Variants in OTUD7A observed in about 807,000 individuals in gnomAD.
The protein encoded by OTUD7A is OTU deubiquitinase 7A.
OTUD7A carries 12 observed loss-of-function variants against 65.7 expected under a neutral mutation model. The observed-to-expected ratio is 0.18, with a 90% CI of 0.12 to 0.30. The LOEUF is 0.30. Among genes scored for constraint, OTUD7A ranks in the 10% least tolerant of loss-of-function variants. The pLI is 1.00. For missense variants in OTUD7A, 1,148 were observed against 1,304.8 expected, an observed-to-expected ratio of 0.88 and a Z score of 1.85; for synonymous variants, 641 against 586.3, an observed-to-expected ratio of 1.09 and a Z score of -1.35.
chr15:31,845,737 C>T (rs939696983), intron 1 of OTUD7A, among the ~76,000 whole-genome samples: 6 of 152,244 alleles, frequency 3.9e-5, no homozygotes, highest in Non-Finnish European at 7.3e-5. Context: ...CTCTGGCAGA[C>T]GTGCCAGGAC....
At chr15:31,502,183 C>T (rs1202628815) in intron 9 of OTUD7A, among the ~76,000 whole-genome samples, 1 of 152,202 alleles carries the variant, frequency 6.6e-6, no homozygotes, top group African/African-American at 2.4e-5. Context: ...TTGTATACAA[C>T]AGAGTATGTG....
chr15:31,580,124 A>G (rs1889328008), intron 3 of OTUD7A, among the ~76,000 whole-genome samples: 1 of 152,196 alleles, frequency 6.6e-6, no homozygotes, highest in Non-Finnish European at 1.5e-5. Flanking sequence ...GAGCAGGGAG[A>G]GGGGTGTTAC....
chr15:31,507,586 G>T (rs1035480685), intron 8 of OTUD7A, among the ~76,000 whole-genome samples: 2 of 152,106 alleles, frequency 1.3e-5, no homozygotes, highest in Non-Finnish European at 2.9e-5. Flanking sequence ...AAGAACAAAG[G>T]TTCTAAACCA....
intron 3 of OTUD7A, among the ~76,000 whole-genome samples, chr15:31,629,366 A>T (rs1039409648): frequency 5.9e-5 from 9 of 152,092 alleles, no homozygotes; most frequent in South Asian, 2.1e-4. Flanking sequence ...GGTTTTTGTC[A>T]TTGGTTCTGT....
chr15:31,510,408 G>A (rs79587914), intron 8 of OTUD7A, among the ~76,000 whole-genome samples: 2,060 of 150,446 alleles, frequency 0.014, 58 homozygotes, highest in African/African-American at 0.048. Context: ...CTAGAGGAGC[G>A]ACTGGCAGGA....
intron 1 of OTUD7A, among the ~76,000 whole-genome samples, chr15:31,678,328 G>A (rs979881731): frequency 6.6e-6 from 1 of 152,220 alleles, no homozygotes; most frequent in African/African-American, 2.4e-5. Context: ...CCAATTTTTT[G>A]AGGAGTAATT....
chr15:31,725,474 G>A lies in OTUD7A; in HGVS notation c.-99-68397C>T, dbSNP rs372521821. Among the ~76,000 whole-genome samples the A allele has an allele frequency of 7.2e-5, 11 of 152,290 alleles. No individual in the cohort carries two copies. In the East Asian group the frequency reaches 1.7e-3, roughly 24 times the overall value. On this transcript the variant is annotated intron_variant, in intron 1 of 12. Coordinates refer to ENST00000307050, the MANE Select transcript of OTUD7A (RefSeq NM_001382637.1). ...TTTCAAAGAGACCACTGGGCATCAC[G>A]CAGAAGCCCGTGACTTTGAGGCTGA...
intron 1 of OTUD7A, among the ~76,000 whole-genome samples, chr15:31,683,888 C>A (rs998854509): frequency 6.6e-6 from 1 of 152,064 alleles, no homozygotes; most frequent in African/African-American, 2.4e-5. Flanking sequence ...TTTATAGGAT[C>A]AGCTGTTTGA....
At chr15:31,795,586 C>T (rs955489996) in intron 1 of OTUD7A, among the ~76,000 whole-genome samples, 19 of 152,090 alleles carry the variant, frequency 1.2e-4, no homozygotes, top group African/African-American at 3.9e-4. Context: ...AGGGCAGATG[C>T]CATGGAGTAA....
At chr15:31,697,824 T>C (rs1893119412) in intron 1 of OTUD7A, among the ~76,000 whole-genome samples, 3 of 152,228 alleles carry the variant, frequency 2.0e-5, no homozygotes, top group African/African-American at 4.8e-5. Flanking sequence ...CAATGCGCTG[T>C]GTTAGCATTG....
At chr15:31,783,645 A>G (rs1366744757) in intron 1 of OTUD7A, among the ~76,000 whole-genome samples, 4 of 152,204 alleles carry the variant, frequency 2.6e-5, no homozygotes, top group Admixed American at 2.0e-4. Flanking sequence ...TATTCTAAGT[A>G]TCTCTGCTGT....
At position 31,632,157 on chromosome 15, in the gene OTUD7A, G is replaced by A. The variant is rs527308027; in HGVS notation, c.151+22939C>T. Among the ~76,000 whole-genome samples, 6 of 152,318 alleles carry A rather than the reference G, an allele frequency of 3.9e-5. No individual in the cohort carries two copies. The East Asian group carries it at 1.2e-3, about 29-fold the overall frequency. ...GAAGGTGCGTTCCTTTGGAGGAGGAGAGGTGCTCTGCTTTTTAGTGTTTCC... is the reference window on the plus strand; with the variant it reads ...GAAGGTGCGTTCCTTTGGAGGAGGAAAGGTGCTCTGCTTTTTAGTGTTTCC... On this transcript the variant is annotated intron_variant, in intron 3 of 12. Coordinates refer to ENST00000307050, the MANE Select transcript of OTUD7A (RefSeq NM_001382637.1).
chr15:31,867,864 CT>C (rs1897919308), intron 1 of OTUD7A, among the ~76,000 whole-genome samples: 2 of 150,030 alleles, frequency 1.3e-5, no homozygotes, highest in Admixed American at 6.7e-5. Flanking sequence ...CCAACCCTTC[CT>C]TAAGTTTCCA....
intron 1 of OTUD7A, among the ~76,000 whole-genome samples, chr15:31,756,594 G>A (rs951849222): frequency 2.0e-5 from 3 of 149,874 alleles, no homozygotes; most frequent in African/African-American, 7.4e-5. Context: ...GGTCCTTTCT[G>A]AGGACAGGAA....
At chr15:31,703,073 A>G (rs1176897555) in intron 1 of OTUD7A, among the ~76,000 whole-genome samples, 2 of 152,082 alleles carry the variant, frequency 1.3e-5, no homozygotes, top group African/African-American at 4.8e-5. Context: ...GACTTGACCT[A>G]AGTCTCATAC....
At chr15:31,492,173 G>A (rs924347854) in intron 10 of OTUD7A, among the ~76,000 whole-genome samples, 3 of 152,318 alleles carry the variant, frequency 2.0e-5, no homozygotes, top group Non-Finnish European at 4.4e-5. Context: ...TATAACAGAT[G>A]TAAAAATAAA....
intron 1 of OTUD7A, among the ~76,000 whole-genome samples, chr15:31,765,382 A>G (rs999904442): frequency 6.6e-6 from 1 of 152,140 alleles, no homozygotes; most frequent in African/African-American, 2.4e-5. Flanking sequence ...CTAATTCATT[A>G]GCTAATATCT....
At position 31,535,674 on chromosome 15, in the gene OTUD7A, G is replaced by GTTTTTT. The variant is rs55826357; in HGVS notation, c.551-4872_551-4867dup. 1.1e-3 allele frequency among the ~76,000 whole-genome samples: 128 copies of GTTTTTT among 111,972 alleles called. 1 individual carries two copies. The highest frequency in any genetic ancestry group is 3.4e-3 in the East Asian group (14 of 4,094). The allele number at this position is 111,972 out of a possible 152,430, so 73.5% of individuals were successfully genotyped here. ...GGGAGTTACCTTGGGTTCTGTTTTT[G>GTTTTTT]TTTTTTTTTTTTTTTTTTTTGAGAC... is the stretch of plus-strand genomic sequence containing the variant. On this transcript the variant is annotated intron_variant, in intron 5 of 12. Transcript: ENST00000307050.
intron 1 of OTUD7A, among the ~76,000 whole-genome samples, chr15:31,690,402 A>C (rs1357165900): frequency 6.6e-6 from 1 of 152,066 alleles, no homozygotes; most frequent in Non-Finnish European, 1.5e-5. Flanking sequence ...GTAGGCAATA[A>C]ATTTTCTGAC....
Sources: gnomAD v4.1 joint callset for allele counts (sites outside exome capture counted in the v4.1 genomes callset) on GRCh38, gnomAD v4.1.1 for gene constraint, MANE v1.5 for transcripts, NCBI Gene and HGNC (gene_info 2026-07-23, HGNC 2026-07-21) for gene names.